Variants in LTBP1 observed in about 807,000 individuals in gnomAD.
The protein encoded by LTBP1 is latent transforming growth factor beta binding protein 1, also known as latent-transforming growth factor beta-binding protein 1.
A neutral mutation model predicts 207.6 loss-of-function variants in LTBP1; 129 were observed. That is an observed-to-expected ratio of 0.62 (90% CI 0.54 to 0.72). LTBP1 has a LOEUF of 0.72. Ranked by LOEUF, LTBP1 falls within the 30% of genes least tolerant of loss-of-function variation. The pLI, the probability that LTBP1 is intolerant of heterozygous loss-of-function variation, is 0.00. For synonymous variants in LTBP1, 963 were observed against 833.7 expected, an observed-to-expected ratio of 1.16 and a Z score of -2.67; for missense variants, 2,281 against 2,217.2, an observed-to-expected ratio of 1.03 and a Z score of -0.58.
intron 31 of LTBP1, among the ~76,000 whole-genome samples, chr2:33,385,756 A>G (rs2095260392): frequency 6.6e-6 from 1 of 152,204 alleles, no homozygotes; most frequent in African/African-American, 2.4e-5. Flanking sequence ...GCGTGGATGG[A>G]TTAGGACAGA....
At position 33,347,387 on chromosome 2, in the gene LTBP1, C is replaced by A. The variant is rs907543840; in HGVS notation, c.3877C>A (p.Leu1293Ile). Residue 1293 changes from leucine to isoleucine, a missense_variant, in exon 26 of 34, where the codon CTC becomes ATC. Physicochemically the swap from Leu to Ile is conservative, Grantham distance 5 (BLOSUM62 2). Coordinates refer to ENST00000404816, the MANE Select transcript of LTBP1 (RefSeq NM_206943.4). Reference protein sequence around the residue: ...GCVDVNECELLSGVCGEAFCE... With the variant: ...GCVDVNECELISGVCGEAFCE... ...TCCAGATGTGAATGAATGTGAACTG[C>A]TCAGTGGGGTGTGTGGTGAAGCCTT... 16 of 1,614,142 alleles carry A rather than the reference C, an allele frequency of 9.9e-6. No individual in the cohort carries two copies. Among genetic ancestry groups the A allele is most frequent in the East Asian group, 6.7e-5 (3 of 44,874 alleles).
intron 3 of LTBP1, among the ~76,000 whole-genome samples, chr2:33,033,852 GTGCTATTT>G (rs1244095884): frequency 2.0e-5 from 3 of 152,124 alleles, no homozygotes; most frequent in Non-Finnish European, 2.9e-5. Context: ...ACTAGCTTTG[GTGCTATTT>G]TGCGTATGGA....
At chr2:33,018,508 A>C (rs1316022474) in intron 2 of LTBP1, among the ~76,000 whole-genome samples, 1 of 152,190 alleles carries the variant, frequency 6.6e-6, no homozygotes, top group Non-Finnish European at 1.5e-5. Flanking sequence ...CAGCTTTGAA[A>C]GCCCAGCTCA....
At chr2:33,074,599 G>GTGGC (rs2077975069) in intron 3 of LTBP1, among the ~76,000 whole-genome samples, 2 of 152,304 alleles carry the variant, frequency 1.3e-5, no homozygotes, top group South Asian at 4.1e-4. Context: ...GCTGGGCACA[G>GTGGC]TGGCTCACGC....
chr2:33,339,923 G>A (rs2094597260), intron 24 of LTBP1, among the ~76,000 whole-genome samples: 1 of 152,064 alleles, frequency 6.6e-6, no homozygotes, highest in Admixed American at 6.5e-5. Flanking sequence ...GGGATTACAG[G>A]CATGAGCCAC....
chr2:33,343,968 G>A (rs983882287), intron 25 of LTBP1, among the ~76,000 whole-genome samples: 5 of 152,168 alleles, frequency 3.3e-5, no homozygotes, highest in Non-Finnish European at 7.4e-5. Context: ...GAGAAAAATA[G>A]CCATGTTCAC....
intron 3 of LTBP1, among the ~76,000 whole-genome samples, chr2:33,055,176 A>G (rs1448329188): frequency 6.6e-6 from 1 of 152,128 alleles, no homozygotes; most frequent in Non-Finnish European, 1.5e-5. Flanking sequence ...CGATGCCTCT[A>G]GATTTTGTTC....
At chr2:32,959,576 TATATGTATATATATGTAC>T (rs1429374443) in intron 2 of LTBP1, among the ~76,000 whole-genome samples, 1 of 140,470 alleles carries the variant, frequency 7.1e-6, no homozygotes, top group Admixed American at 7.3e-5. Flanking sequence ...TGTGTGTATG[TATATGTATATATATGTAC>T]GTGTATATAT....
intron 2 of LTBP1, among the ~76,000 whole-genome samples, chr2:32,989,557 G>A (rs1243187936): frequency 6.6e-6 from 1 of 152,164 alleles, no homozygotes; most frequent in Non-Finnish European, 1.5e-5. Context: ...ACTTGGAATA[G>A]CACTGTGGTA....
chr2:33,035,996 T>C (rs994704915), intron 3 of LTBP1, among the ~76,000 whole-genome samples: 1 of 152,228 alleles, frequency 6.6e-6, no homozygotes, highest in African/African-American at 2.4e-5. Context: ...TTCTTTATAG[T>C]GTTACCACAT....
chr2:33,187,198 T>G lies in LTBP1; in HGVS notation c.1426+118T>G, dbSNP rs967544489. On this transcript the variant is annotated intron_variant, in intron 6 of 33. Coordinates refer to ENST00000404816, the MANE Select transcript of LTBP1 (RefSeq NM_206943.4). The stretch of plus-strand genomic sequence containing the variant: ...ATTGAAACAGAAAGGAGTACATGAT[T>G]TGTGGCCTGAGAAATGGCAGTAGAG... 3 of 800,260 alleles carry G rather than the reference T, an allele frequency of 3.7e-6. No homozygotes were observed. In the Admixed American group the frequency reaches 7.5e-5, roughly 20 times the overall value. 49.6% of individuals were successfully genotyped at this position (800,260 alleles called of 1,614,324 possible).
intron 23 of LTBP1, among the ~76,000 whole-genome samples, chr2:33,313,377 G>T (rs1241800948): frequency 6.6e-6 from 1 of 152,220 alleles, no homozygotes; most frequent in Admixed American, 6.5e-5. Context: ...TGTTGCACGG[G>T]AAGATCAACA....
chr2:32,994,813 A>G (rs1685001636), intron 2 of LTBP1, among the ~76,000 whole-genome samples: 1 of 152,164 alleles, frequency 6.6e-6, no homozygotes, highest in African/African-American at 2.4e-5. Context: ...CTCTTGGGAA[A>G]ATTAAGAAAA....
Position 33,361,498 on chromosome 2 carries a change from G to T in LTBP1, c.4253G>T (p.Gly1418Val). ...VPAGESSSEA[G>V]GENYKDADEC... ...GCTGGAGAATCATCTTCTGAAGCTG[G>T]TGGTGAGAACTATAAAGGTCAGAAT... Residue 1418 changes from glycine (G) to valine (V), a missense_variant, in exon 28 of 34, where the codon GGT becomes GTT. Coordinates refer to ENST00000404816, the MANE Select transcript of LTBP1 (RefSeq NM_206943.4). The T allele has an allele frequency of 1.2e-6, 2 of 1,613,194 alleles. No homozygotes were observed. Among genetic ancestry groups the T allele is most frequent in the South Asian group, 1.1e-5 (1 of 91,026 alleles).
chr2:33,058,913 T>C (rs1047518562), intron 3 of LTBP1, among the ~76,000 whole-genome samples: 1 of 152,166 alleles, frequency 6.6e-6, no homozygotes, highest in Admixed American at 6.5e-5. Flanking sequence ...GCGGGAGAGG[T>C]TGGAAAATGT....
chr2:33,061,241 C>T (rs1484067629), intron 3 of LTBP1, among the ~76,000 whole-genome samples: 1 of 152,108 alleles, frequency 6.6e-6, no homozygotes, highest in Non-Finnish European at 1.5e-5. Flanking sequence ...GCCTTTCAGA[C>T]TAAGATGCAC....
intron 5 of LTBP1, among the ~76,000 whole-genome samples, chr2:33,144,343 T>C (rs2082858108): frequency 6.6e-6 from 1 of 152,160 alleles, no homozygotes; most frequent in Non-Finnish European, 1.5e-5. Flanking sequence ...AAAAATAATA[T>C]CAGGCTTCAA....
At position 33,318,687 on chromosome 2, in the gene LTBP1, A is replaced by G. The variant is rs139716819; in HGVS notation, c.3730+3418A>G. On this transcript the variant is annotated intron_variant, in intron 24 of 33. Coordinates refer to ENST00000404816, the MANE Select transcript of LTBP1 (RefSeq NM_206943.4). ...CCCTTTCCTCTCTCAGTTATAGTTC[A>G]TCTCCTCCTGCCACCTTCCTTTCAC... Among the ~76,000 whole-genome samples, 534 of 152,210 alleles carry G rather than the reference A, an allele frequency of 3.5e-3. 2 individuals are homozygous for G. The highest frequency in any genetic ancestry group is 0.012 in the African/African-American group (513 of 41,520).
intron 2 of LTBP1, among the ~76,000 whole-genome samples, chr2:33,018,108 C>T (rs911407302): frequency 5.3e-5 from 8 of 151,752 alleles, no homozygotes; most frequent in Admixed American, 3.9e-4. Context: ...TTATATAACA[C>T]GTTCTTTACT....
Sources: gnomAD v4.1 joint callset for allele counts (sites outside exome capture counted in the v4.1 genomes callset) on GRCh38, gnomAD v4.1.1 for gene constraint, MANE v1.5 for transcripts, NCBI Gene and HGNC (gene_info 2026-07-23, HGNC 2026-07-21) for gene names.